Variants in CLNK observed in about 807,000 individuals in gnomAD.
CLNK encodes the protein cytokine-dependent hematopoietic cell linker.
Under a neutral mutation model 68.6 loss-of-function variants are expected in CLNK, and 74 were observed. That is an observed-to-expected ratio of 1.08 (90% CI 0.89 to 1.31). The LOEUF (loss-of-function observed/expected upper bound fraction) is 1.31, where lower values mean the gene tolerates loss of function less well. CLNK is among the 50% of genes most tolerant of loss of function. CLNK has a pLI of 0.00. For synonymous variants in CLNK, 198 were observed against 172.2 expected (o/e 1.15, Z -1.17); for missense variants, 553 against 515.3 (o/e 1.07, Z -0.71).
At chr4:10,699,929 G>A in the CLNK span, among the ~76,000 whole-genome samples, 1 of 151,676 alleles carries the variant, frequency 6.6e-6, no homozygotes, top group Non-Finnish European at 1.5e-5. Flanking sequence ...TTGTTGTACT[G>A]TTATTTTCCT....
At chr4:10,594,991 G>C (rs1577154483) in intron 3 of CLNK, among the ~76,000 whole-genome samples, 1 of 152,146 alleles carries the variant, frequency 6.6e-6, no homozygotes, top group African/African-American at 2.4e-5. Flanking sequence ...CTACTGGCTG[G>C]GGGGCTGAGG....
rs139141389 is a variant in CLNK, at chr4:10,669,931, A to C, written c.-42-2020T>G. ...AGTGGGGAAGGGGACTTGAACTTTC[A>C]TCAGTGTAATACAAAGAATGCACAT... is the stretch of plus-strand genomic sequence containing the variant. On this transcript the variant is annotated intron_variant, in intron 1 of 18. Coordinates refer to ENST00000226951, the MANE Select transcript of CLNK (RefSeq NM_052964.4). Among the ~76,000 whole-genome samples, 355 of 152,274 alleles carry C rather than the reference A, an allele frequency of 2.3e-3. 1 individual carries two copies. The highest frequency in any genetic ancestry group is 8.2e-3 in the African/African-American group (342 of 41,556).
rs948494061 is a variant in CLNK, at chr4:10,555,448, A to G, written c.445+2959T>C. Among the ~76,000 whole-genome samples the G allele has an allele frequency of 2.1e-4, 32 of 152,328 alleles. No individual in the cohort carries two copies. In the Middle Eastern group the frequency reaches 0.017, roughly 81 times the overall value. On this transcript the variant is annotated intron_variant, in intron 8 of 18. Coordinates refer to ENST00000226951, the MANE Select transcript of CLNK (RefSeq NM_052964.4). Reference sequence around the variant, plus strand: ...AAATAAGATTATTTCTTCTAGATCTATGGTTAATGCTAGTGGTTCGTCACA... The same window carrying G: ...AAATAAGATTATTTCTTCTAGATCTGTGGTTAATGCTAGTGGTTCGTCACA...
the CLNK span, among the ~76,000 whole-genome samples, chr4:10,693,184 G>T: frequency 1.3e-5 from 2 of 152,192 alleles, no homozygotes; most frequent in Non-Finnish European, 2.9e-5. Flanking sequence ...GGGATTCTTA[G>T]GTGTAAAAGC....
chr4:10,517,560 A>G (rs1213118511), intron 15 of CLNK: 1 of 152,242 alleles, frequency 6.6e-6, no homozygotes, highest in Non-Finnish European at 1.5e-5. Flanking sequence ...AATTGACTTG[A>G]GACTTATTTA....
At chr4:10,595,816 A>C (rs1242789753) in intron 3 of CLNK, among the ~76,000 whole-genome samples, 1 of 152,092 alleles carries the variant, frequency 6.6e-6, no homozygotes, top group Non-Finnish European at 1.5e-5. Flanking sequence ...GACTAATAAG[A>C]GTGTAATTGT....
intron 2 of CLNK, among the ~76,000 whole-genome samples, chr4:10,641,716 C>G (rs13139179): frequency 0.2 from 29,682 of 152,138 alleles, 2,884 homozygotes; most frequent in South Asian, 0.23. Flanking sequence ...AAATACAACT[C>G]TCCTACTGAT....
At chr4:10,687,992 C>T (rs528865327), upstream of CLNK, among the ~76,000 whole-genome samples, 63 of 152,208 alleles carry the variant, frequency 4.1e-4, no homozygotes, top group South Asian at 1.2e-3. Context: ...ACAGTGGCTG[C>T]CTAGATCTGG....
At chr4:10,570,739 C>G (rs967022240) in intron 5 of CLNK, among the ~76,000 whole-genome samples, 3 of 152,086 alleles carry the variant, frequency 2.0e-5, no homozygotes, top group African/African-American at 7.2e-5. Context: ...CAAGTGAAAA[C>G]TATTTAAATT....
intron 16 of CLNK, 51 bp downstream of exon 16, chr4:10,513,413 T>C: frequency 1.9e-6 from 3 of 1,565,128 alleles, no homozygotes; most frequent in Non-Finnish European, 2.6e-6. Flanking sequence ...GAAAGCTCTA[T>C]TTAGATGCCA....
In CLNK at chr4:10,566,055, C is replaced by A. The variant is rs574119157; in HGVS notation, c.246G>T (p.Ser82=). The part of the protein sequence containing the change: ...PELRMEETWQ[S]IKILPARPIK... ...TAGGCCGGGCTGGTAAAATTTTAAT[C>A]GACTGCCATGTCTCTTCCATCCGAA... Residue 82 remains serine, a synonymous_variant, in exon 6 of 19, where the codon TCG becomes TCT. Transcript: ENST00000226951. 17 of 1,613,856 alleles carry A rather than the reference C, an allele frequency of 1.1e-5. No homozygotes were observed. The South Asian group carries it at 1.6e-4, about 16-fold the overall frequency.
rs548939180 is a variant in CLNK at position 10,549,114 on chromosome 4, T to A, written c.446-6834A>T. On this transcript the variant is annotated intron_variant, in intron 8 of 18. Coordinates refer to ENST00000226951, the MANE Select transcript of CLNK (RefSeq NM_052964.4). ...TCCTCCCTCCCTTTTAAGATTTTTG[T>A]GTAGTATAATATCGGCAATAGTTAC... Among the ~76,000 whole-genome samples, 129 of 152,350 alleles carry A rather than the reference T, an allele frequency of 8.5e-4. 1 individual carries two copies. Among genetic ancestry groups the A allele is most frequent in the African/African-American group, 2.9e-3 (121 of 41,578 alleles).
At chr4:10,686,678 G>C (rs1725284664), upstream of CLNK, among the ~76,000 whole-genome samples, 1 of 150,732 alleles carries the variant, frequency 6.6e-6, no homozygotes, top group South Asian at 2.1e-4. Flanking sequence ...GCCAAGTTCA[G>C]AGTAAATGTG....
the CLNK span, among the ~76,000 whole-genome samples, chr4:10,699,985 GGACT>G: frequency 1.3e-3 from 169 of 129,606 alleles, no homozygotes; most frequent in African/African-American, 2.1e-3. Flanking sequence ...TGGATATAAA[GGACT>G]GACTGTGTGT....
chr4:10,611,542 G>A (rs2531189), intron 2 of CLNK, among the ~76,000 whole-genome samples: 104,972 of 151,016 alleles, frequency 0.7, 37,359 homozygotes, highest in East Asian at 0.77. Flanking sequence ...AGTCTGCAGG[G>A]AAGCTGGGAG....
intron 12 of CLNK, among the ~76,000 whole-genome samples, chr4:10,528,326 A>C (rs1718403363): frequency 6.6e-6 from 1 of 152,232 alleles, no homozygotes; most frequent in Admixed American, 6.5e-5. Context: ...GGCTGATGGG[A>C]CTATCAATTG....
intron 11 of CLNK, among the ~76,000 whole-genome samples, chr4:10,532,670 G>C (rs1356358476): frequency 6.6e-6 from 1 of 152,196 alleles, no homozygotes; most frequent in Non-Finnish European, 1.5e-5. Flanking sequence ...AACATAAAGA[G>C]TTTTCAATAT....
chr4:10,511,248 T>C (rs1717570964), intron 16 of CLNK, among the ~76,000 whole-genome samples: 1 of 152,192 alleles, frequency 6.6e-6, no homozygotes. Context: ...CTGACCCCCT[T>C]GGGCACATGT....
intron 11 of CLNK, among the ~76,000 whole-genome samples, chr4:10,540,262 C>A (rs1718959356): frequency 2.6e-5 from 4 of 152,220 alleles, no homozygotes; most frequent in Admixed American, 6.5e-5. Flanking sequence ...GCTTCCCCCT[C>A]CACCATGATT....
Sources: gnomAD v4.1 joint callset for allele counts (sites outside exome capture counted in the v4.1 genomes callset) on GRCh38, gnomAD v4.1.1 for gene constraint, MANE v1.5 for transcripts, NCBI Gene and HGNC (gene_info 2026-07-23, HGNC 2026-07-21) for gene names.